Variants in RNF123 observed in about 807,000 individuals in gnomAD.
RNF123 encodes E3 ubiquitin-protein ligase RNF123.
In RNF123, 86 loss-of-function variants were observed where a neutral mutation model predicts 168.5. The ratio of observed to expected loss-of-function variants is 0.51; its 90% CI spans 0.43 to 0.61. The LOEUF (loss-of-function observed/expected upper bound fraction) is 0.61, where lower values mean the gene tolerates loss of function less well. RNF123 is among the 20% of genes least tolerant of loss of function. The pLI is 0.00. For synonymous variants in RNF123, 666 were observed against 689.1 expected (o/e 0.97, Z 0.52); for missense variants, 1,419 against 1,729.7 (o/e 0.82, Z 3.19).
At position 49,706,885 on chromosome 3, in the gene RNF123, C is replaced by G. The variant is rs1308305709; in HGVS notation, c.2483C>G (p.Thr828Ser). The G allele has an allele frequency of 6.2e-7, 1 of 1,613,932 alleles. No homozygotes were observed. The highest frequency in any genetic ancestry group is 1.3e-5 in the African/African-American group (1 of 74,934). ...CGCCGTCTTGCCTGGGTCCATGCCA[C>G]TGTCTACTCCCAGGTGTGCTGGTAT... ...LSRRLAWVHA[T>S]VYSQEKMLDI... The change falls in exon 26 of 39, where the codon ACT becomes AGT. Residue 828 changes from threonine (T) to serine (S), a missense_variant. Thr to Ser is a moderately conservative substitution (Grantham distance 58). Transcript: ENST00000327697.
chr3:49,715,579 C>G lies in RNF123; in HGVS notation c.3015C>G (p.Pro1005=). Residue 1005 remains proline, a synonymous_variant, in exon 32 of 39, where the codon CCC becomes CCG. Coordinates refer to ENST00000327697, the MANE Select transcript of RNF123 (RefSeq NM_022064.5). The part of the protein sequence containing the change: ...EDANLPSLQK[P]CPSTLLQQHM... ...CCGCCTCCTGTCCCCCTGCAGAGCC[C>G]TGCCCTTCCACCCTGCTGCAGCAGC... is the stretch of plus-strand genomic sequence containing the variant. The G allele has an allele frequency of 6.2e-7, 1 of 1,614,012 alleles. No individual in the cohort carries two copies. Among genetic ancestry groups the G allele is most frequent in the Non-Finnish European group, 8.5e-7 (1 of 1,179,978 alleles).
At chr3:49,719,246 G>A (rs1432063803) in intron 35 of RNF123, 1 of 1,613,108 alleles carries the variant, frequency 6.2e-7, no homozygotes, top group African/African-American at 1.3e-5. Flanking sequence ...CGCAGGCGCT[G>A]GAGCGCGTTG....
chr3:49,702,558 A>C, intron 19 of RNF123, 75 bp from the exon 20 acceptor site: 1 of 1,611,520 alleles, frequency 6.2e-7, no homozygotes, highest in Non-Finnish European at 8.5e-7. Flanking sequence ...CTCGACCCTC[A>C]GGCAGGGCCT....
chr3:49,714,115 C>A lies in RNF123; in HGVS notation c.2951C>A (p.Thr984Lys). 6.2e-7 allele frequency: 1 copy of A among 1,614,104 alleles called. No homozygotes were observed. The highest frequency in any genetic ancestry group is 8.5e-7 in the Non-Finnish European group (1 of 1,180,032). Residue 984 changes from threonine (T) to lysine (K), a missense_variant, in exon 31 of 39, where the codon ACA (threonine) becomes AAA (lysine). By Grantham distance (78) the Thr-to-Lys change is moderately conservative (BLOSUM62 -1). Transcript: ENST00000327697. Reference protein sequence around the residue: ...WRGCGFGYRYTRLPHLLKTKL... With the variant: ...WRGCGFGYRYKRLPHLLKTKL... ...GGCTGTGGCTTCGGGTACCGCTATA[C>A]ACGGCTGCCACATCTGCTGAAAACC...
chr3:49,718,281 A>G (rs376175713), intron 35 of RNF123: 3 of 1,613,034 alleles, frequency 1.9e-6, no homozygotes, highest in Admixed American at 1.7e-5. Context: ...GCACGAGCAC[A>G]AGGCCCACGG....
intron 3 of RNF123, 60 bp downstream of exon 3, chr3:49,691,569 G>A: frequency 4.4e-6 from 6 of 1,369,306 alleles, no homozygotes; most frequent in Non-Finnish European, 5.2e-6. Flanking sequence ...TAAGGAGGCT[G>A]CAGTTGTAGG....
intron 12 of RNF123, 93 bp from the exon 13 acceptor site, chr3:49,700,134 G>T: frequency 6.4e-7 from 1 of 1,560,390 alleles, no homozygotes. Context: ...AAGGCTCTGT[G>T]CCTGAGGCTT....
At chr3:49,718,746 G>A (rs777957671) in intron 35 of RNF123, 1 of 1,613,036 alleles carries the variant, frequency 6.2e-7, no homozygotes, top group African/African-American at 1.3e-5. Context: ...CGCGCACGGC[G>A]CTCAGGCCCC....
chr3:49,702,403 G>T lies in RNF123; in HGVS notation c.1627G>T (p.Gly543Trp). ...KFLQENASGRGNMPMLCPPEY... is the reference protein window; with the variant it reads ...KFLQENASGRWNMPMLCPPEY... ...TCTGCAGGAGAACGCCAGTGGCCGGGGGGTAGGTGTCCTCCAGGCCAGCCC... is the reference window on the plus strand; with the variant it reads ...TCTGCAGGAGAACGCCAGTGGCCGGTGGGTAGGTGTCCTCCAGGCCAGCCC... The change falls in exon 19 of 39, where the codon GGG (glycine) becomes TGG (tryptophan). Residue 543 changes from glycine (G) to tryptophan (W), a missense_variant and splice_region_variant. By Grantham distance (184) the Gly-to-Trp change is radical (BLOSUM62 -2). This residue lies in a region of RNF123 where 349 missense variants were observed against 344.9 expected (regional missense o/e 1.01). Transcript: ENST00000327697. 1.2e-6 allele frequency: 2 copies of T among 1,614,154 alleles called. No individual in the cohort carries two copies. Among genetic ancestry groups the T allele is most frequent in the Non-Finnish European group, 1.7e-6 (2 of 1,180,006 alleles).
rs1255681164 is a variant in RNF123 at position 49,701,865 on chromosome 3, C to T, written c.1450C>T (p.Arg484Ter). The change falls in exon 17 of 39, where the codon CGA (arginine) becomes TGA (stop). Residue 484 changes from arginine to a stop codon, truncating the protein, a stop_gained. Coordinates refer to ENST00000327697, the MANE Select transcript of RNF123 (RefSeq NM_022064.5). LOFTEE classifies it high-confidence loss of function. ...EETAEERLRR[R>*]AYERGCQRLR... ...GACCGCAGAGGAGCGGCTGCGGCGG[C>T]GAGCCTACGAACGGGGCTGTCAGCG... 2 of 1,569,130 alleles carry T rather than the reference C, an allele frequency of 1.3e-6. No individual in the cohort carries two copies. The highest frequency in any genetic ancestry group is 2.3e-5 in the East Asian group (1 of 43,316).
Position 49,697,125 on chromosome 3 carries a change from G to A in RNF123, c.168-18G>A. 6.2e-7 allele frequency: 1 copy of A among 1,607,506 alleles called. No homozygotes were observed. The highest frequency in any genetic ancestry group is 1.1e-5 in the South Asian group (1 of 90,794). On this transcript the variant is annotated intron_variant, in intron 3 of 38. Coordinates refer to ENST00000327697, the MANE Select transcript of RNF123 (RefSeq NM_022064.5). ...TTCAAGGACTTGTGGACCCCTGGCA[G>A]CCTCTCACTCTCCCCAGGAAACCCC...
intron 35 of RNF123, chr3:49,718,743 G>C: frequency 6.2e-7 from 1 of 1,613,118 alleles, no homozygotes; most frequent in Non-Finnish European, 8.5e-7. Context: ...AGTCGCGCAC[G>C]GCGCTCAGGC....
chr3:49,718,209 CCAGCGGCGG>C lies in RNF123; in HGVS notation c.3500+1740_3500+1748del, dbSNP rs543098573. 5.0e-4 allele frequency: 808 copies of C among 1,612,334 alleles called. 6 individuals carry two copies. The South Asian group carries it at 8.2e-3, about 16-fold the overall frequency. On this transcript the variant is annotated intron_variant, in intron 35 of 38. Coordinates refer to ENST00000327697, the MANE Select transcript of RNF123 (RefSeq NM_022064.5). ...CTTGGAGCGGGCTGGGTGTTTGGGG[CCAGCGGCGG>C]CAGCGGCAGGCACGGCGGCAGCAGC...
chr3:49,702,834 T>C, intron 20 of RNF123, 81 bp downstream of exon 20: 14 of 1,590,336 alleles, frequency 8.8e-6, no homozygotes, highest in South Asian at 1.1e-5. Context: ...TGCAGAGTGC[T>C]GAGCTGAGGC....
rs932182616 is a variant in RNF123 at position 49,699,246 on chromosome 3, C to T, written c.764+141C>T. The T allele has an allele frequency of 4.0e-6, 5 of 1,254,298 alleles. No homozygotes were observed. The highest frequency in any genetic ancestry group is 3.0e-5 in the South Asian group (2 of 67,684). 77.7% of individuals were successfully genotyped at this position (1,254,298 alleles called of 1,614,324 possible). ...GTTAGTGGGGGGCCATGTAGAGTGT[C>T]GAAGAAAACTTTCCTCGCAGCAGCC... On this transcript the variant is annotated intron_variant, in intron 10 of 38. Coordinates refer to ENST00000327697, the MANE Select transcript of RNF123 (RefSeq NM_022064.5). This position sits in a 1 kb window ranked among gnomAD's most constrained non-coding sequence, Gnocchi z 4.8.
intron 3 of RNF123, among the ~76,000 whole-genome samples, chr3:49,695,384 G>T (rs2054248635): frequency 6.6e-6 from 1 of 152,208 alleles, no homozygotes; most frequent in African/African-American, 2.4e-5. Flanking sequence ...ACAGGTGTGA[G>T]CCACCATGCT....
At chr3:49,718,114 T>C in intron 35 of RNF123, 1 of 1,613,556 alleles carries the variant, frequency 6.2e-7, no homozygotes, top group Non-Finnish European at 8.5e-7. Context: ...TACGTGCTTG[T>C]GGACGCTGGC....
intron 26 of RNF123, among the ~76,000 whole-genome samples, chr3:49,708,766 G>C (rs191157788): frequency 6.6e-6 from 1 of 152,100 alleles, no homozygotes; most frequent in South Asian, 2.1e-4. Flanking sequence ...TCTGTTGTAC[G>C]GACACCACAT....
intron 5 of RNF123, 90 bp downstream of exon 5, chr3:49,697,547 A>G: frequency 1.9e-6 from 2 of 1,076,534 alleles, no homozygotes; most frequent in Non-Finnish European, 2.7e-6. Context: ...CTCTCTACTC[A>G]TCTGATGGGG....
Sources: gnomAD v4.1 joint callset for allele counts (sites outside exome capture counted in the v4.1 genomes callset) on GRCh38, gnomAD v4.1.1 for gene constraint, gnomAD v4.1.1 regional missense constraint, Gnocchi (gnomAD v3.1) non-coding constraint, MANE v1.5 for transcripts, NCBI Gene and HGNC (gene_info 2026-07-23, HGNC 2026-07-21) for gene names.